MAP3K15: variants seen among roughly 807,000 people sequenced by gnomAD.
The protein encoded by MAP3K15 is mitogen-activated protein kinase kinase kinase 15.
In MAP3K15, 124 loss-of-function variants were observed where a neutral mutation model predicts 99.5. That is an observed-to-expected ratio of 1.25 (90% CI 1.08 to 1.45). The LOEUF (loss-of-function observed/expected upper bound fraction) is 1.45, where lower values mean the gene tolerates loss of function less well. Among genes scored for constraint, MAP3K15 ranks in the 40% most tolerant of loss-of-function variants. MAP3K15 has a pLI of 0.00. For missense variants in MAP3K15, 1,242 were observed against 1,079.7 expected (o/e 1.15, Z -2.11); for synonymous variants, 494 against 439.6 (o/e 1.12, Z -1.55).
intron 25 of MAP3K15, among the ~76,000 whole-genome samples, chrX:19,367,640 A>G (rs376822340): frequency 1.9e-5 from 2 of 105,484 alleles, no homozygotes; most frequent in East Asian, 3.0e-4. Context: ...CCGGTTAAAT[A>G]GTCATTAGCA....
At chrX:19,394,583 C>A (rs2063551761) in intron 16 of MAP3K15, among the ~76,000 whole-genome samples, 2 of 111,005 alleles carry the variant, frequency 1.8e-5, no homozygotes, top group South Asian at 7.6e-4. Flanking sequence ...TCACTTTTAA[C>A]ATCTATGTTC....
chrX:19,511,097 T>C (rs1420441489), intron 1 of MAP3K15, among the ~76,000 whole-genome samples: 18 of 111,842 alleles, frequency 1.6e-4, no homozygotes, highest in African/African-American at 5.9e-4. Flanking sequence ...TAAATGGTGC[T>C]GGGAAAACTG....
In MAP3K15 at chrX:19,515,134, C is replaced by A; in HGVS notation, c.128G>T (p.Gly43Val). The A allele has an allele frequency of 1.3e-6, 1 of 781,255 alleles. No homozygotes were observed. The highest frequency in any genetic ancestry group is 1.6e-6 in the Non-Finnish European group (1 of 642,753). 64.4% of individuals were successfully genotyped at this position (781,255 alleles called of 1,213,427 possible). A position where few individuals can be genotyped will look rare whatever the true frequency, so the allele number is the denominator to read the frequency against. Residue 43 changes from glycine (G) to valine (V), a missense_variant, in exon 1 of 29, where the codon GGC becomes GTC. Coordinates refer to ENST00000338883, the MANE Select transcript of MAP3K15 (RefSeq NM_001001671.4). ...GPAEPDGAAE[G>V]AAGGSGEGES... Reference sequence around the variant, plus strand: ...GCCCTCGCCGCTGCCGCCTGCCGCGCCCTCCGCCGCCCCGTCGGGCTCCGC... The same window carrying A: ...GCCCTCGCCGCTGCCGCCTGCCGCGACCTCCGCCGCCCCGTCGGGCTCCGC...
rs746810528 is a variant in MAP3K15, at chrX:19,373,736, G to A, written c.2774-41C>T. ...CAGACACCGAATGGGGAGACTCAGAGAGGGACGGGGTGGAGCTGAGTCCCT... is the reference window on the plus strand; with the variant it reads ...CAGACACCGAATGGGGAGACTCAGAAAGGGACGGGGTGGAGCTGAGTCCCT... On this transcript the variant is annotated intron_variant, in intron 20 of 28. Coordinates refer to ENST00000338883, the MANE Select transcript of MAP3K15 (RefSeq NM_001001671.4). 5 of 1,169,418 alleles carry A rather than the reference G, an allele frequency of 4.3e-6. No individual in the cohort carries two copies. The African/African-American group carries it at 8.8e-5, about 21-fold the overall frequency.
Position 19,361,390 on chromosome X carries a change from G to A in MAP3K15, c.3806C>T (p.Ser1269Leu), listed in dbSNP as rs1274425240. Residue 1269 changes from serine (S) to leucine (L), a missense_variant, in exon 28 of 29, where the codon TCG (serine) becomes TTG (leucine). Transcript: ENST00000338883. Reference sequence around the variant, plus strand: ...CTTAGTGATCTCATTAAGAATATCCGAAAGTGTATAACCCTCTTCAACAAT... The same window carrying A: ...CTTAGTGATCTCATTAAGAATATCCAAAAGTGTATAACCCTCTTCAACAAT... ...EKIVEEGYTL[S>L]DILNEITKED... 1.1e-5 allele frequency: 13 copies of A among 1,207,758 alleles called. No individual in the cohort carries two copies. The highest frequency in any genetic ancestry group is 1.1e-4 in the South Asian group (6 of 56,664).
intron 17 of MAP3K15, 65 bp from the exon 18 acceptor site, chrX:19,392,172 C>T: frequency 1.9e-6 from 2 of 1,069,608 alleles, no homozygotes; most frequent in Non-Finnish European, 2.6e-6. Flanking sequence ...TGAAACAGAT[C>T]TGGACCTTGG....
At chrX:19,435,289 G>A (rs774555944) in intron 6 of MAP3K15, among the ~76,000 whole-genome samples, 1 of 105,288 alleles carries the variant, frequency 9.5e-6, no homozygotes, top group Non-Finnish European at 1.9e-5. Flanking sequence ...GCAGTGGTAC[G>A]ATCTCGGTTC....
At chrX:19,487,505 A>T (rs753198821) in intron 2 of MAP3K15, among the ~76,000 whole-genome samples, 1 of 112,082 alleles carries the variant, frequency 8.9e-6, no homozygotes, top group African/African-American at 3.2e-5. Flanking sequence ...GAAAAGGTCA[A>T]TATCTAACTA....
chrX:19,399,739 CAAAAA>C (rs777947449), intron 14 of MAP3K15, among the ~76,000 whole-genome samples: 1 of 35,500 alleles, frequency 2.8e-5, no homozygotes, highest in Non-Finnish European at 6.7e-5. Flanking sequence ...ACTCTGTTTC[CAAAAA>C]AAAAAAAAAA....
intron 3 of MAP3K15, among the ~76,000 whole-genome samples, chrX:19,483,842 A>G (rs759710180): frequency 1.3e-3 from 147 of 111,722 alleles, no homozygotes; most frequent in African/African-American, 4.4e-3. Flanking sequence ...CTTCCATCCC[A>G]TCTGGAGTGG....
At chrX:19,446,478 C>T (rs2147335592) in intron 6 of MAP3K15, among the ~76,000 whole-genome samples, 1 of 111,621 alleles carries the variant, frequency 9.0e-6, no homozygotes, top group Non-Finnish European at 1.9e-5. Flanking sequence ...GGTGACCTGC[C>T]TAAGGCCATG....
At chrX:19,407,411 G>A (rs778390678) in intron 12 of MAP3K15, 128 bp from the exon 13 acceptor site, 12 of 380,756 alleles carry the variant, frequency 3.2e-5, no homozygotes, top group Non-Finnish European at 4.9e-5. Flanking sequence ...AACACCCCCC[G>A]AGTCTGCCTT....
intron 9 of MAP3K15, among the ~76,000 whole-genome samples, chrX:19,417,642 CAGAAT>C (rs2063747529): frequency 8.9e-6 from 1 of 112,034 alleles, no homozygotes; most frequent in Non-Finnish European, 1.9e-5. Context: ...CAAAAGGCAT[CAGAAT>C]CCTCTGCAGA....
intron 9 of MAP3K15, among the ~76,000 whole-genome samples, chrX:19,415,621 A>G (rs1001012988): frequency 2.7e-5 from 3 of 111,755 alleles, no homozygotes; most frequent in African/African-American, 9.8e-5. Flanking sequence ...CTCCACTTAT[A>G]CATGGATTTT....
chrX:19,427,854 T>C, intron 7 of MAP3K15, among the ~76,000 whole-genome samples: 1 of 111,390 alleles, frequency 9.0e-6, no homozygotes, highest in East Asian at 2.8e-4. Context: ...TGAGGCATAA[T>C]ACAAATACCC....
At chrX:19,412,096 G>A (rs1275389325) in intron 11 of MAP3K15, among the ~76,000 whole-genome samples, 1 of 111,871 alleles carries the variant, frequency 8.9e-6, no homozygotes, top group Non-Finnish European at 1.9e-5. Context: ...ATGGGAGCCA[G>A]GGCAGACTCA....
chrX:19,420,228 C>CA (rs775144029), intron 9 of MAP3K15, among the ~76,000 whole-genome samples: 3 of 110,848 alleles, frequency 2.7e-5, no homozygotes, highest in Non-Finnish European at 3.8e-5. Context: ...AAAAACCCTT[C>CA]AAAAAAATCA....
chrX:19,496,832 GC>G (rs760609695), intron 1 of MAP3K15: 2 of 111,819 alleles, frequency 1.8e-5, no homozygotes, highest in East Asian at 5.7e-4. Context: ...CTGCCTGGCT[GC>G]TGATTTCACC....
chrX:19,413,415 A>T lies in MAP3K15; in HGVS notation c.1640T>A (p.Ile547Lys). ...TKVYQPSYVS[I>K]NNEAEERTVS... ...TGTTCTCTCCTCGGCTTCATTGTTT[A>T]TGGAAACATAAGAAGGCTGGTACAC... is the stretch of plus-strand genomic sequence containing the variant. The change falls in exon 11 of 29, where the codon ATA becomes AAA. Residue 547 changes from isoleucine to lysine, a missense_variant. Coordinates refer to ENST00000338883, the MANE Select transcript of MAP3K15 (RefSeq NM_001001671.4). The T allele has an allele frequency of 8.3e-7, 1 of 1,208,849 alleles. No homozygotes were observed. Among genetic ancestry groups the T allele is most frequent in the Admixed American group, 2.2e-5 (1 of 45,810 alleles).
Sources: gnomAD v4.1 joint callset for allele counts (sites outside exome capture counted in the v4.1 genomes callset) on GRCh38, gnomAD v4.1.1 for gene constraint, MANE v1.5 for transcripts, NCBI Gene and HGNC (gene_info 2026-07-23, HGNC 2026-07-21) for gene names.